Variants in ATR observed in about 807,000 individuals in gnomAD.
ATR encodes the protein ATR checkpoint kinase, also known as serine/threonine-protein kinase ATR.
Under a neutral mutation model 305.3 loss-of-function variants are expected in ATR, and 142 were observed. The ratio of observed to expected loss-of-function variants is 0.47; its 90% CI spans 0.41 to 0.53. The LOEUF (loss-of-function observed/expected upper bound fraction) is 0.53. ATR is among the 20% of genes least tolerant of loss of function. ATR has a pLI of 0.00. For synonymous variants in ATR, 1,050 were observed against 1,068.1 expected (o/e 0.98, Z 0.33); for missense variants, 2,135 against 3,133.1 (o/e 0.68, Z 7.60).
chr3:142,555,815 A>T (rs1441070610), intron 10 of ATR, 62 bp downstream of exon 10: 1 of 1,525,596 alleles, frequency 6.6e-7, no homozygotes, highest in Non-Finnish European at 8.9e-7. Context: ...TAATTCTTTT[A>T]CTGATTTGAA....
intron 1 of ATR, among the ~76,000 whole-genome samples, chr3:142,571,247 C>T (rs2035248655): frequency 6.6e-6 from 1 of 152,088 alleles, no homozygotes; most frequent in Non-Finnish European, 1.5e-5. Context: ...GCAGGCGGAT[C>T]ATGAGGTCAG....
In ATR at chr3:142,519,750, T is replaced by G. The variant is rs1326317682; in HGVS notation, c.4301A>C (p.Glu1434Ala). The G allele has an allele frequency of 1.9e-6, 3 of 1,613,988 alleles. No homozygotes were observed. Among genetic ancestry groups the G allele is most frequent in the Admixed American group, 3.3e-5 (2 of 60,032 alleles). ...CAATTGGTGACCTGGGCCGTTGGTC[T>G]CCATCTCTCTACAGTCATAAATAGA... is the stretch of plus-strand genomic sequence containing the variant. Reference protein sequence around the residue: ...LLSIYDCREMETNGPGHQLWR... With the variant: ...LLSIYDCREMATNGPGHQLWR... Residue 1434 changes from glutamate (E) to alanine (A), a missense_variant, in exon 24 of 47, where the codon GAG becomes GCG. Glu to Ala is a moderately radical substitution (Grantham distance 107). Coordinates refer to ENST00000350721, the MANE Select transcript of ATR (RefSeq NM_001184.4).
At chr3:142,537,967 T>C (rs1484030368) in intron 19 of ATR, among the ~76,000 whole-genome samples, 1 of 152,144 alleles carries the variant, frequency 6.6e-6, no homozygotes. Context: ...ATTTATCAAT[T>C]AGGAAATGGA....
At chr3:142,497,246 C>T (rs753164830) in intron 32 of ATR, 54 bp from the exon 33 acceptor site, 4 of 1,559,110 alleles carry the variant, frequency 2.6e-6, no homozygotes, top group Non-Finnish European at 3.5e-6. Flanking sequence ...CCTTATTAAT[C>T]TCATATATAA....
chr3:142,479,528 C>T (rs1392154293), intron 36 of ATR, among the ~76,000 whole-genome samples: 1 of 152,124 alleles, frequency 6.6e-6, no homozygotes, highest in Non-Finnish European at 1.5e-5. Context: ...ACGTTCGTTC[C>T]TTCATTTCAA....
chr3:142,559,787 T>A (rs2034810735), intron 6 of ATR, among the ~76,000 whole-genome samples: 1 of 152,084 alleles, frequency 6.6e-6, no homozygotes, highest in Non-Finnish European at 1.5e-5. Flanking sequence ...TGCCTATAGT[T>A]CCAGCTACAT....
At chr3:142,493,005 C>A in intron 35 of ATR, 127 bp downstream of exon 35, 1 of 862,236 alleles carries the variant, frequency 1.2e-6, no homozygotes, top group South Asian at 1.8e-5. Context: ...AATCCATATA[C>A]TTATATACTC....
chr3:142,489,625 T>C (rs1396814392), intron 35 of ATR, among the ~76,000 whole-genome samples: 1 of 152,212 alleles, frequency 6.6e-6, no homozygotes, highest in Admixed American at 6.5e-5. Flanking sequence ...ATCTACCTTG[T>C]TGCGTGTATC....
chr3:142,488,321 T>C (rs1394939782), intron 35 of ATR, among the ~76,000 whole-genome samples: 1 of 152,202 alleles, frequency 6.6e-6, no homozygotes, highest in Non-Finnish European at 1.5e-5. Flanking sequence ...TTGCTAGCCA[T>C]GGGGTACTTT....
At chr3:142,552,039 C>T (rs1332975166) in intron 13 of ATR, among the ~76,000 whole-genome samples, 1 of 152,046 alleles carries the variant, frequency 6.6e-6, no homozygotes, top group African/African-American at 2.4e-5. Context: ...TACATGCAGC[C>T]AGCCAACGAA....
intron 28 of ATR, among the ~76,000 whole-genome samples, chr3:142,505,858 G>A (rs2032207202): frequency 6.6e-6 from 1 of 152,120 alleles, no homozygotes; most frequent in Non-Finnish European, 1.5e-5. Context: ...ATAGAGATTA[G>A]AGTTTCTACA....
intron 1 of ATR, among the ~76,000 whole-genome samples, chr3:142,569,657 G>GT (rs990873887): frequency 1.5e-4 from 23 of 149,584 alleles, no homozygotes; most frequent in African/African-American, 3.5e-4. Flanking sequence ...TTGTTTTTTG[G>GT]TTTTTTTTGA....
intron 1 of ATR, among the ~76,000 whole-genome samples, chr3:142,571,361 G>T (rs1408108831): frequency 6.6e-6 from 1 of 152,098 alleles, no homozygotes; most frequent in East Asian, 1.9e-4. Flanking sequence ...AGCTGCTCAG[G>T]AGGCTGAGGC....
chr3:142,515,654 T>C (rs1351525260), intron 24 of ATR, 139 bp from the exon 25 acceptor site: 23 of 942,462 alleles, frequency 2.4e-5, no homozygotes, highest in Non-Finnish European at 3.4e-5. Context: ...TCCAGTATCC[T>C]TCTTAGGGGT....
chr3:142,530,859 T>C (rs1406079730), intron 21 of ATR, among the ~76,000 whole-genome samples: 2 of 152,218 alleles, frequency 1.3e-5, no homozygotes, highest in African/African-American at 2.4e-5. Context: ...GCCAGTAGTC[T>C]GACATACCAC....
At chr3:142,475,367 G>T (rs972540688) in intron 36 of ATR, among the ~76,000 whole-genome samples, 1 of 151,946 alleles carries the variant, frequency 6.6e-6, no homozygotes, top group African/African-American at 2.4e-5. Context: ...TTTGTCCTTC[G>T]ATAGTTTGCT....
At chr3:142,532,609 C>T (rs905517448) in intron 21 of ATR, among the ~76,000 whole-genome samples, 9 of 149,694 alleles carry the variant, frequency 6.0e-5, no homozygotes, top group African/African-American at 2.3e-4. Flanking sequence ...CAGGGTCATT[C>T]CATAAAAAAT....
rs563750598 is a variant in ATR, at chr3:142,462,050, T to C, written c.7082A>G (p.His2361Arg). 3.7e-6 allele frequency: 6 copies of C among 1,613,204 alleles called. No individual in the cohort carries two copies. The South Asian group carries it at 4.4e-5, about 12-fold the overall frequency. The change falls in exon 42 of 47, where the codon CAT (histidine) becomes CGT (arginine). Residue 2361 changes from histidine (H) to arginine (R), a missense_variant. Around this residue, in one of 9 missense-constraint regions of ATR, gnomAD observed 462 missense variants for 887.6 expected, o/e 0.52. Transcript: ENST00000350721. ...KDAESRRREL[H>R]IRTYAVIPLN... ...TGGAATAACTGCATATGTTCGAATATGAAGTTCTCTTCTACGAGACTCTGC... is the reference window on the plus strand; with the variant it reads ...TGGAATAACTGCATATGTTCGAATACGAAGTTCTCTTCTACGAGACTCTGC...
chr3:142,553,784 G>C (rs2108464676), intron 11 of ATR, 41 bp downstream of exon 11: 2 of 1,609,974 alleles, frequency 1.2e-6, no homozygotes, highest in Non-Finnish European at 1.7e-6. Flanking sequence ...TTTAGAGCTA[G>C]GTTGACGTAA....
Sources: allele counts gnomAD v4.1 joint callset (sites outside exome capture counted in the v4.1 genomes callset), GRCh38; gene constraint gnomAD v4.1.1; regional missense constraint gnomAD v4.1.1; transcripts MANE v1.5; gene names NCBI Gene and HGNC (gene_info 2026-07-23, HGNC 2026-07-21).